The following EHMT1 variants were observed in gnomAD, a reference collection of about 807,000 sequenced individuals.
EHMT1 encodes the protein euchromatic histone lysine methyltransferase 1.
EHMT1 carries 15 observed loss-of-function variants against 147.2 expected under a neutral mutation model. That is an observed-to-expected ratio of 0.10 (90% confidence interval 0.07 to 0.16). EHMT1 has a LOEUF of 0.16. Among genes scored for constraint, EHMT1 ranks in the 10% least tolerant of loss-of-function variants. The pLI, the probability that EHMT1 is intolerant of heterozygous loss-of-function variation, is 1.00. For synonymous variants in EHMT1, 795 were observed against 709.6 expected (o/e 1.12, Z -1.91); for missense variants, 1,587 against 1,772.4 (o/e 0.90, Z 1.88).
Position 137,728,244 on chromosome 9 carries a change from G to A in EHMT1, c.643-105G>A, listed in dbSNP as rs187349603. The A allele has an allele frequency of 6.7e-6, 10 of 1,484,228 alleles. No individual in the cohort carries two copies. The East Asian group carries it at 9.0e-5, about 13-fold the overall frequency. 91.9% of individuals were successfully genotyped at this position (1,484,228 alleles called of 1,614,324 possible). ...CTCTCTCCATTGTATCTCATCTTTCGGTTGTGGGGAATTATCGGGGAGAAG... is the reference window on the plus strand; with the variant it reads ...CTCTCTCCATTGTATCTCATCTTTCAGTTGTGGGGAATTATCGGGGAGAAG... On this transcript the variant is annotated intron_variant, in intron 3 of 26. Coordinates refer to ENST00000460843, the MANE Select transcript of EHMT1 (RefSeq NM_024757.5).
At chr9:137,808,228 C>T (rs1359288616) in intron 18 of EHMT1, among the ~76,000 whole-genome samples, 3 of 151,452 alleles carry the variant, frequency 2.0e-5, no homozygotes, top group Admixed American at 6.5e-5. Flanking sequence ...AGTGTCCTGC[C>T]GGATGACCCA....
At chr9:137,779,962 T>C (rs1193496520) in intron 14 of EHMT1, among the ~76,000 whole-genome samples, 3 of 152,218 alleles carry the variant, frequency 2.0e-5, no homozygotes, top group African/African-American at 7.2e-5. Flanking sequence ...TAAAAAGGAA[T>C]TGGTATGTGA....
At chr9:137,748,471 T>A (rs978661490) in intron 6 of EHMT1, among the ~76,000 whole-genome samples, 1 of 152,128 alleles carries the variant, frequency 6.6e-6, no homozygotes, top group African/African-American at 2.4e-5. Context: ...GCCAGCACCC[T>A]CATACAGGTG....
At chr9:137,631,802 C>A (rs1355431262) in intron 1 of EHMT1, among the ~76,000 whole-genome samples, 3 of 152,064 alleles carry the variant, frequency 2.0e-5, no homozygotes, top group Non-Finnish European at 4.4e-5. Context: ...GTTGTTTGAC[C>A]AGGAGGTCAA....
At chr9:137,808,676 T>TGGGGGGGGGG (rs147011444) in intron 18 of EHMT1, among the ~76,000 whole-genome samples, 1 of 58,442 alleles carries the variant, frequency 1.7e-5, no homozygotes, top group African/African-American at 3.6e-5. Flanking sequence ...GGGCGGGGGG[T>TGGGGGGGGGG]GGGGGGGGCG....
In EHMT1 at chr9:137,776,202, A is replaced by G. The variant is rs369806548; in HGVS notation, c.1792-416A>G. ...CCTCGAGGCTCACCTGGGTCGCCAA[A>G]CCACATCTGCTGCGCACTGCTGGGC... is the stretch of plus-strand genomic sequence containing the variant. On this transcript the variant is annotated intron_variant, in intron 11 of 26. Transcript: ENST00000460843. This position sits in a 1 kb window ranked among gnomAD's most constrained non-coding sequence, Gnocchi z 4.4. Among the ~76,000 whole-genome samples, 110 of 152,258 alleles carry G rather than the reference A, an allele frequency of 7.2e-4. 2 individuals are homozygous for G. The highest frequency in any genetic ancestry group is 2.6e-3 in the African/African-American group (110 of 41,560).
chr9:137,742,552 A>C (rs1948193123), intron 4 of EHMT1, among the ~76,000 whole-genome samples: 1 of 152,098 alleles, frequency 6.6e-6, no homozygotes. Context: ...CCTGGAACTT[A>C]AAAAAAGTCA....
intron 15 of EHMT1, among the ~76,000 whole-genome samples, chr9:137,783,472 A>G (rs1347798726): frequency 6.6e-6 from 1 of 151,980 alleles, no homozygotes; most frequent in Non-Finnish European, 1.5e-5. Flanking sequence ...TATTTCTCTG[A>G]TGGTATTATG....
chr9:137,677,731 C>CTA (rs1941505920), intron 1 of EHMT1, among the ~76,000 whole-genome samples: 1 of 152,052 alleles, frequency 6.6e-6, no homozygotes, highest in African/African-American at 2.4e-5. Context: ...TGTGCTGTTA[C>CTA]TATATAACAC....
At chr9:137,697,536 A>G (rs1270493923) in intron 1 of EHMT1, among the ~76,000 whole-genome samples, 1 of 152,194 alleles carries the variant, frequency 6.6e-6, no homozygotes, top group African/African-American at 2.4e-5. Flanking sequence ...GTAACTTTAA[A>G]GATTTTTCTT....
chr9:137,635,051 CTTG>C (rs1347488336), intron 1 of EHMT1, among the ~76,000 whole-genome samples: 5 of 151,502 alleles, frequency 3.3e-5, no homozygotes, highest in Admixed American at 2.0e-4. Context: ...GTTTTAGGAT[CTTG>C]TTGTCAATAT....
At chr9:137,781,486 G>A (rs1489823685) in intron 14 of EHMT1, among the ~76,000 whole-genome samples, 13 of 152,298 alleles carry the variant, frequency 8.5e-5, no homozygotes, top group African/African-American at 3.1e-4. Flanking sequence ...ACGCTGGAAT[G>A]TGTGGTGATG....
chr9:137,804,756 G>GT (rs2137481596), intron 18 of EHMT1, among the ~76,000 whole-genome samples: 1 of 152,182 alleles, frequency 6.6e-6, no homozygotes, highest in Admixed American at 6.5e-5. Flanking sequence ...TTTGTATGTG[G>GT]TGTGAGGTAT....
intron 2 of EHMT1, among the ~76,000 whole-genome samples, chr9:137,714,216 G>C (rs550802388): frequency 6.6e-6 from 1 of 152,298 alleles, no homozygotes; most frequent in South Asian, 2.1e-4. Flanking sequence ...TCTGGTTTCT[G>C]ATCTTAGGGA....
intron 15 of EHMT1, among the ~76,000 whole-genome samples, chr9:137,783,483 G>C (rs886742556): frequency 1.3e-5 from 2 of 152,148 alleles, no homozygotes; most frequent in Non-Finnish European, 1.5e-5. Flanking sequence ...TGGTATTATG[G>C]TTATTTTGAA....
chr9:137,724,360 C>A (rs1344578195), intron 3 of EHMT1, among the ~76,000 whole-genome samples: 4 of 152,328 alleles, frequency 2.6e-5, no homozygotes, highest in African/African-American at 9.6e-5. Context: ...AAGGGCTGCC[C>A]TCCCAGAGCC....
chr9:137,757,866 C>T lies in EHMT1; in HGVS notation c.1370-14C>T. On this transcript the variant is annotated splice_polypyrimidine_tract_variant and intron_variant, in intron 8 of 26. Transcript: ENST00000460843. ...GGGTGCGTGGTGTCTGATGTGTGTG[C>T]CTTTCATACCTAGGTTCTGAGTCGT... 2 of 1,613,552 alleles carry T rather than the reference C, an allele frequency of 1.2e-6. No homozygotes were observed. Among genetic ancestry groups the T allele is most frequent in the Non-Finnish European group, 1.7e-6 (2 of 1,179,982 alleles).
At position 137,813,965 on chromosome 9, in the gene EHMT1, G is replaced by A. The variant is rs757661137; in HGVS notation, c.3180+435G>A. Among the ~76,000 whole-genome samples, 5 of 151,424 alleles carry A rather than the reference G, an allele frequency of 3.3e-5. No homozygotes were observed. The highest frequency in any genetic ancestry group is 6.6e-5 in the Admixed American group (1 of 15,220). ...CCAGCCTCCGAGTGCATGCAGCCTG[G>A]TGCCCTCACTGCTTGCGCCTTCTCG... On this transcript the variant is annotated intron_variant, in intron 21 of 26. Transcript: ENST00000460843. The surrounding 1 kb of genome is among the most constrained non-coding windows in gnomAD (Gnocchi z 4.9).
At chr9:137,650,455 A>C (rs1023281060) in intron 1 of EHMT1, among the ~76,000 whole-genome samples, 6 of 152,114 alleles carry the variant, frequency 3.9e-5, no homozygotes, top group African/African-American at 1.4e-4. Context: ...GTGAAGTAGT[A>C]TCTCATTGTG....
Sources: gnomAD v4.1 joint callset for allele counts (sites outside exome capture counted in the v4.1 genomes callset) on GRCh38, gnomAD v4.1.1 for gene constraint, Gnocchi (gnomAD v3.1) non-coding constraint, MANE v1.5 for transcripts, NCBI Gene and HGNC (gene_info 2026-07-23, HGNC 2026-07-21) for gene names.